The following ENTREP2 variants were observed in gnomAD, a reference collection of about 807,000 sequenced individuals.
ENTREP2 encodes endosomal transmembrane epsin interactor 2.
At chr15:29,464,544 G>C in the ENTREP2 span, among the ~76,000 whole-genome samples, 1 of 152,228 alleles carries the variant, frequency 6.6e-6, no homozygotes, top group East Asian at 1.9e-4. Context: ...TATCAGAGCA[G>C]AAGGCTCGTG....
At chr15:29,477,341 G>C in the ENTREP2 span, among the ~76,000 whole-genome samples, 5 of 152,066 alleles carry the variant, frequency 3.3e-5, no homozygotes, top group Non-Finnish European at 7.4e-5. Context: ...CATTCAGTTT[G>C]TAAAAAACAT....
the ENTREP2 span, among the ~76,000 whole-genome samples, chr15:29,549,489 C>T: frequency 6.6e-6 from 1 of 152,152 alleles, no homozygotes; most frequent in Non-Finnish European, 1.5e-5. Flanking sequence ...CTAGGATGGT[C>T]TCAATCTCCT....
chr15:29,390,075 C>G, the ENTREP2 span, among the ~76,000 whole-genome samples: 363 of 152,226 alleles, frequency 2.4e-3, 2 homozygotes, highest in African/African-American at 8.4e-3. Context: ...GGTGTGCCTC[C>G]TCCCTGGAGA....
the ENTREP2 span, among the ~76,000 whole-genome samples, chr15:29,303,677 A>G: frequency 6.5e-4 from 76 of 116,918 alleles, no homozygotes; most frequent in Middle Eastern, 0.017. Context: ...CCCAGTGTCT[A>G]TTACTCCCTT....
At chr15:29,449,318 C>G in the ENTREP2 span, among the ~76,000 whole-genome samples, 97,789 of 152,048 alleles carry the variant, frequency 0.64, 31,411 homozygotes, top group Admixed American at 0.66. Context: ...CTCCATGAAA[C>G]GATGTGTTTG....
the ENTREP2 span, among the ~76,000 whole-genome samples, chr15:29,140,082 T>C: frequency 6.6e-6 from 1 of 152,168 alleles, no homozygotes; most frequent in Non-Finnish European, 1.5e-5. Flanking sequence ...TCCCCGGCTT[T>C]GCGGGCTGAG....
chr15:29,140,803 A>G, the ENTREP2 span, among the ~76,000 whole-genome samples: 2 of 152,198 alleles, frequency 1.3e-5, no homozygotes, highest in East Asian at 3.9e-4. Flanking sequence ...GTGGAGGGCA[A>G]AAAAGGGGCT....
At chr15:29,500,243 A>G in the ENTREP2 span, among the ~76,000 whole-genome samples, 2 of 152,048 alleles carry the variant, frequency 1.3e-5, no homozygotes, top group Non-Finnish European at 2.9e-5. Context: ...CTATAAACCA[A>G]TCAACTTGAC....
the ENTREP2 span, among the ~76,000 whole-genome samples, chr15:29,410,225 A>C: frequency 1.3e-5 from 2 of 152,212 alleles, no homozygotes; most frequent in Non-Finnish European, 1.5e-5. Context: ...TTTCTCTCTG[A>C]AACTTTTCTG....
the ENTREP2 span, among the ~76,000 whole-genome samples, chr15:29,188,034 TAGAG>T: frequency 3.9e-5 from 6 of 152,114 alleles, no homozygotes; most frequent in African/African-American, 1.2e-4. Context: ...GGCTCATGCA[TAGAG>T]AGAGGGGCGG....
At chr15:29,569,411 CG>C in the ENTREP2 span, 1 of 151,866 alleles carries the variant, frequency 6.6e-6, no homozygotes, top group Non-Finnish European at 1.5e-5. Flanking sequence ...CAAAGCTGGA[CG>C]AATTTTTCAA....
the ENTREP2 span, among the ~76,000 whole-genome samples, chr15:29,203,293 T>C: frequency 6.6e-6 from 1 of 152,142 alleles, no homozygotes; most frequent in Non-Finnish European, 1.5e-5. Context: ...TTCCAGCTAC[T>C]GGGGAGGCTG....
the ENTREP2 span, among the ~76,000 whole-genome samples, chr15:29,347,385 G>A: frequency 1.8e-4 from 28 of 151,738 alleles, no homozygotes; most frequent in South Asian, 5.9e-3. Context: ...GCCCAGGCTG[G>A]TCTCCAACTC....
chr15:29,390,830 A>G, the ENTREP2 span, among the ~76,000 whole-genome samples: 1 of 152,240 alleles, frequency 6.6e-6, no homozygotes, highest in Non-Finnish European at 1.5e-5. Context: ...TCCTTCTAGA[A>G]CGCAGTCTTG....
At chr15:29,574,533 C>T in the ENTREP2 span, among the ~76,000 whole-genome samples, 1 of 152,106 alleles carries the variant, frequency 6.6e-6, no homozygotes, top group African/African-American at 2.4e-5. Flanking sequence ...ACTTTGTGAT[C>T]CACCCACCTT....
At chr15:29,171,338 C>T in the ENTREP2 span, among the ~76,000 whole-genome samples, 2 of 152,164 alleles carry the variant, frequency 1.3e-5, no homozygotes, top group Non-Finnish European at 2.9e-5. Context: ...AGCAGTTCAA[C>T]ATTTCATATT....
chr15:29,185,827 G>A, the ENTREP2 span, among the ~76,000 whole-genome samples: 2 of 152,182 alleles, frequency 1.3e-5, no homozygotes. Context: ...CTCCCAAAAT[G>A]CAGGGATTAC....
chr15:29,245,095 G>A, the ENTREP2 span, among the ~76,000 whole-genome samples: 2 of 152,166 alleles, frequency 1.3e-5, no homozygotes, highest in Admixed American at 1.3e-4. Context: ...CAAAGATTCA[G>A]GTGTACATTC....
chr15:29,585,613 T>C, the ENTREP2 span, among the ~76,000 whole-genome samples: 3 of 152,050 alleles, frequency 2.0e-5, no homozygotes, highest in African/African-American at 7.2e-5. Flanking sequence ...TTCCAGAACT[T>C]TGGGAGGCCG....
Sources: allele counts gnomAD v4.1 joint callset (sites outside exome capture counted in the v4.1 genomes callset), GRCh38; gene constraint gnomAD v4.1.1; transcripts MANE v1.5; gene names NCBI Gene and HGNC (gene_info 2026-07-23, HGNC 2026-07-21).